The following ASCC3 variants were observed in gnomAD, a reference collection of about 807,000 sequenced individuals.
ASCC3 encodes the protein activating signal cointegrator 1 complex subunit 3.
Under a neutral mutation model 256.3 loss-of-function variants are expected in ASCC3, and 158 were observed. The observed-to-expected ratio is 0.62, with a 90% CI of 0.54 to 0.70. The LOEUF is 0.70. Among genes scored for constraint, ASCC3 ranks in the 30% least tolerant of loss-of-function variants. The pLI is 0.00. For synonymous variants in ASCC3, 948 were observed against 883.4 expected (o/e 1.07, Z -1.30); for missense variants, 2,259 against 2,626.0 (o/e 0.86, Z 3.05).
At chr6:100,616,765 C>T (rs75637683) in intron 30 of ASCC3, among the ~76,000 whole-genome samples, 4,615 of 152,230 alleles carry the variant, frequency 0.03, 78 homozygotes, top group African/African-American at 0.055. Context: ...AAGTGAATAG[C>T]GAGTTCTTGT....
chr6:100,556,827 G>A (rs1294160682), intron 36 of ASCC3, among the ~76,000 whole-genome samples: 3 of 151,682 alleles, frequency 2.0e-5, no homozygotes, highest in Non-Finnish European at 4.4e-5. Context: ...GAGCTAAAGA[G>A]TGAACATTTT....
At chr6:100,530,215 A>G in intron 37 of ASCC3, 1 of 742,508 alleles carries the variant, frequency 1.3e-6, no homozygotes, top group Non-Finnish European at 2.4e-6. Context: ...AGTCTTTAAG[A>G]ATATTGCTGC....
At position 100,715,471 on chromosome 6, in the gene ASCC3, A is replaced by G; in HGVS notation, c.2142T>C (p.Ala714=). 1 of 1,610,634 alleles carries G rather than the reference A, an allele frequency of 6.2e-7. No individual in the cohort carries two copies. Among genetic ancestry groups the G allele is most frequent in the Non-Finnish European group, 8.5e-7 (1 of 1,177,554 alleles). The part of the protein sequence containing the change: ...CYENVLKQVK[A]GHQVMVFVHA... ...GATAAAATAAGTGTACCTGGTGTCC[A>G]GCCTTTACTTGCTTCAAAACATTTT... The change falls in exon 13 of 42, where the codon GCT becomes GCC. Residue 714 remains alanine, a synonymous_variant. Transcript: ENST00000369162.
chr6:100,787,325 G>A (rs1769134581), intron 8 of ASCC3, among the ~76,000 whole-genome samples: 1 of 151,634 alleles, frequency 6.6e-6, no homozygotes, highest in South Asian at 2.1e-4. Context: ...AAATACATAG[G>A]TATAAATTTA....
chr6:100,803,320 C>G (rs1770014365), intron 5 of ASCC3, among the ~76,000 whole-genome samples: 1 of 152,090 alleles, frequency 6.6e-6, no homozygotes, highest in Admixed American at 6.6e-5. Flanking sequence ...ATCACAGGGG[C>G]TGTTTCCCCC....
In ASCC3 at chr6:100,545,405, T is replaced by C. The variant is rs112156695; in HGVS notation, c.5551-5018A>G. Among the ~76,000 whole-genome samples the C allele has an allele frequency of 5.4e-3, 818 of 152,286 alleles. 7 individuals are homozygous for C. Among genetic ancestry groups the C allele is most frequent in the African/African-American group, 0.019 (783 of 41,556 alleles). On this transcript the variant is annotated intron_variant, in intron 36 of 41. Coordinates refer to ENST00000369162, the MANE Select transcript of ASCC3 (RefSeq NM_006828.4). The stretch of plus-strand genomic sequence containing the variant: ...GTTAGCTAGGATGGTCTCGATCTCT[T>C]GACCTTGTGATCTGCATGCCTCGGC...
intron 30 of ASCC3, among the ~76,000 whole-genome samples, chr6:100,613,614 T>C (rs1408988263): frequency 6.6e-6 from 1 of 152,178 alleles, no homozygotes; most frequent in African/African-American, 2.4e-5. Flanking sequence ...GTATCTGCTA[T>C]TGTGAATAGT....
intron 8 of ASCC3, among the ~76,000 whole-genome samples, chr6:100,775,520 A>G (rs1782146236): frequency 6.6e-6 from 1 of 152,154 alleles, no homozygotes; most frequent in Non-Finnish European, 1.5e-5. Context: ...CACTAAATTT[A>G]CTGTTTAAAA....
At chr6:100,583,999 A>C (rs1373086017) in intron 36 of ASCC3, among the ~76,000 whole-genome samples, 3 of 152,078 alleles carry the variant, frequency 2.0e-5, no homozygotes, top group Non-Finnish European at 4.4e-5. Flanking sequence ...GGAGAGCTCT[A>C]CTTCCAAGTA....
In ASCC3 at chr6:100,630,977, T is replaced by C. The variant is rs77227735; in HGVS notation, c.4208+151A>G. 7.4e-3 allele frequency: 4,407 copies of C among 596,230 alleles called. 141 individuals carry two copies. Among genetic ancestry groups the C allele is most frequent in the East Asian group, 0.066 (2,332 of 35,144 alleles). 36.9% of individuals were successfully genotyped at this position (596,230 alleles called of 1,614,324 possible). A position where few individuals can be genotyped will look rare whatever the true frequency, so the allele number is the denominator to read the frequency against. On this transcript the variant is annotated intron_variant, in intron 26 of 41. Transcript: ENST00000369162. Reference sequence around the variant, plus strand: ...TAGTAGGTACATATCTTTAAATAAATGACTATGAAAATCAATGTAAAACCA... The same window carrying C: ...TAGTAGGTACATATCTTTAAATAAACGACTATGAAAATCAATGTAAAACCA...
In ASCC3 at chr6:100,683,995, T is replaced by C. The variant is rs878970742; in HGVS notation, c.2152-4243A>G. ...TATGTAAATTTGAGTTCTGGTCCTG[T>C]TATTTGACTTGTCAAAGAAAGTGTT... On this transcript the variant is annotated intron_variant, in intron 13 of 41. Transcript: ENST00000369162. 5.3e-5 allele frequency among the ~76,000 whole-genome samples: 8 copies of C among 152,218 alleles called. No individual in the cohort carries two copies. The East Asian group carries it at 9.7e-4, about 19-fold the overall frequency.
At chr6:100,593,049 T>C (rs906585051) in intron 34 of ASCC3, among the ~76,000 whole-genome samples, 4 of 152,168 alleles carry the variant, frequency 2.6e-5, no homozygotes, top group African/African-American at 9.7e-5. Context: ...CTCTAATTTA[T>C]GAGACTGAGC....
At chr6:100,589,297 A>G (rs934359492) in intron 36 of ASCC3, among the ~76,000 whole-genome samples, 1 of 152,162 alleles carries the variant, frequency 6.6e-6, no homozygotes, top group African/African-American at 2.4e-5. Flanking sequence ...CAAAAAAGTA[A>G]TAAGAAAAGC....
At chr6:100,680,070 GCTTT>G (rs1777226900) in intron 13 of ASCC3, among the ~76,000 whole-genome samples, 1 of 152,142 alleles carries the variant, frequency 6.6e-6, no homozygotes, top group South Asian at 2.1e-4. Flanking sequence ...AATATTGAGA[GCTTT>G]CTCATTGGAA....
intron 30 of ASCC3, 53 bp downstream of exon 30, chr6:100,625,139 A>C: frequency 6.3e-7 from 1 of 1,597,024 alleles, no homozygotes; most frequent in Non-Finnish European, 8.6e-7. Flanking sequence ...GATCATTCTA[A>C]TATAATACAA....
intron 24 of ASCC3, among the ~76,000 whole-genome samples, chr6:100,640,293 T>C (rs1303502946): frequency 3.3e-5 from 5 of 152,184 alleles, no homozygotes; most frequent in Non-Finnish European, 7.4e-5. Flanking sequence ...TGCTTTACAT[T>C]AGTGAAAGAT....
At chr6:100,840,257 T>C (rs1218192899) in intron 4 of ASCC3, among the ~76,000 whole-genome samples, 8 of 152,228 alleles carry the variant, frequency 5.3e-5, no homozygotes, top group Admixed American at 5.2e-4. Context: ...AGTACTTTTG[T>C]ATGCAAAATT....
At chr6:100,787,724 T>G (rs1769159654) in intron 8 of ASCC3, among the ~76,000 whole-genome samples, 1 of 152,050 alleles carries the variant, frequency 6.6e-6, no homozygotes, top group Non-Finnish European at 1.5e-5. Context: ...AACAAATCAA[T>G]GTAGAGAGAA....
chr6:100,512,818 G>C lies in ASCC3; in HGVS notation c.6176C>G (p.Ser2059Ter). ...ATCTCGTTTGTCTGCAGTCAGAGTT[G>C]AGACAGAGAGTTCATTATGTCCTTC... ...LVEGHNELSV[S>*]TLTADKRDDN... Residue 2059 changes from serine (S) to a stop codon, truncating the protein, a stop_gained, in exon 40 of 42, where the codon TCA (serine) becomes TGA (stop). Transcript: ENST00000369162. LOFTEE classifies it high-confidence loss of function. 6.2e-7 allele frequency: 1 copy of C among 1,614,076 alleles called. No individual in the cohort carries two copies. The highest frequency in any genetic ancestry group is 8.5e-7 in the Non-Finnish European group (1 of 1,179,980).
Sources: gnomAD v4.1 joint callset for allele counts (sites outside exome capture counted in the v4.1 genomes callset) on GRCh38, gnomAD v4.1.1 for gene constraint, MANE v1.5 for transcripts, NCBI Gene and HGNC (gene_info 2026-07-23, HGNC 2026-07-21) for gene names.